The following ANXA6 variants were observed in gnomAD, a reference collection of about 807,000 sequenced individuals.
The protein encoded by ANXA6 is 67 kDa calelectrin.
In ANXA6, 71 loss-of-function variants were observed where a neutral mutation model predicts 95.4. The observed-to-expected ratio is 0.74, with a 90% CI of 0.61 to 0.91. ANXA6 has a LOEUF of 0.91. Among genes scored for constraint, ANXA6 ranks in the 40% least tolerant of loss-of-function variants. The pLI is 0.00. For synonymous variants in ANXA6, 289 were observed against 315.9 expected (o/e 0.91, Z 0.90); for missense variants, 830 against 876.4 (o/e 0.95, Z 0.67).
Position 151,140,152 on chromosome 5 carries a change from C to T in ANXA6, c.109+1G>A. 1 of 1,613,880 alleles carries T rather than the reference C, an allele frequency of 6.2e-7. No individual in the cohort carries two copies. Among genetic ancestry groups the T allele is most frequent in the South Asian group, 1.1e-5 (1 of 91,030 alleles). On this transcript the variant is annotated splice_donor_variant, in intron 3 of 25. Transcript: ENST00000354546. LOFTEE classifies it high-confidence loss of function. ...AAGCTCCCATGAAGCCTGGCACCCACCAAAGCCCTTCATGGCAGTGTACAG... is the reference window on the plus strand; with the variant it reads ...AAGCTCCCATGAAGCCTGGCACCCATCAAAGCCCTTCATGGCAGTGTACAG...
intron 4 of ANXA6, 152 bp downstream of exon 4, chr5:151,139,201 C>A (rs1765754843): frequency 1.6e-6 from 1 of 619,948 alleles, no homozygotes; most frequent in Non-Finnish European, 2.8e-6. Context: ...CTGAAAGACG[C>A]CCAGCTGATG....
In ANXA6 at chr5:151,103,429, A is replaced by T; in HGVS notation, c.1962+141T>A. ...GATTTCGGTATAAACAATGCAATAC[A>T]GACCCCCTTTCATTTCAATATCCTG... On this transcript the variant is annotated intron_variant, in intron 25 of 25. Coordinates refer to ENST00000354546, the MANE Select transcript of ANXA6 (RefSeq NM_001155.5). 4 of 681,780 alleles carry T rather than the reference A, an allele frequency of 5.9e-6. No individual in the cohort carries two copies. In the South Asian group the frequency reaches 1.0e-4, roughly 17 times the overall value. 42.2% of individuals were successfully genotyped at this position (681,780 alleles called of 1,614,324 possible). A position where few individuals can be genotyped will look rare whatever the true frequency, so the allele number is the denominator to read the frequency against.
At chr5:151,110,704 G>T in intron 20 of ANXA6, 60 bp from the exon 21 acceptor site, 1 of 1,599,808 alleles carries the variant, frequency 6.3e-7, no homozygotes, top group South Asian at 1.1e-5. Flanking sequence ...GAGGAGGTTG[G>T]GGAGGCTGGT....
intron 1 of ANXA6, among the ~76,000 whole-genome samples, chr5:151,156,096 C>T (rs1453296145): frequency 6.6e-6 from 1 of 152,256 alleles, no homozygotes; most frequent in African/African-American, 2.4e-5. Flanking sequence ...TTTTCTGTAT[C>T]TCAGCAGATG....
intron 2 of ANXA6, among the ~76,000 whole-genome samples, chr5:151,142,622 T>C (rs901571473): frequency 2.0e-5 from 3 of 152,200 alleles, no homozygotes; most frequent in African/African-American, 7.2e-5. Context: ...AGACAAATCA[T>C]TCTGCCTAAG....
chr5:151,132,467 A>T lies in ANXA6; in HGVS notation c.736+9T>A. On this transcript the variant is annotated intron_variant, in intron 10 of 25. Transcript: ENST00000354546. ...CTAAAGCCCCCAGGAATGCAACGTC[A>T]GGACATACCTACGGCCAGCATTAGC... The T allele has an allele frequency of 6.2e-7, 1 of 1,607,640 alleles. No individual in the cohort carries two copies. The highest frequency in any genetic ancestry group is 8.5e-7 in the Non-Finnish European group (1 of 1,176,866).
chr5:151,144,622 C>A lies in ANXA6; in HGVS notation c.18+3262G>T, dbSNP rs971934032. On this transcript the variant is annotated intron_variant, in intron 2 of 25. Coordinates refer to ENST00000354546, the MANE Select transcript of ANXA6 (RefSeq NM_001155.5). ...TTGCTGCTCCTCCCCCTCCACTGTT[C>A]TCCCCCTCATACAATGTGGGTGGTC... 5.3e-5 allele frequency among the ~76,000 whole-genome samples: 8 copies of A among 152,252 alleles called. No individual in the cohort carries two copies. In the East Asian group the frequency reaches 5.8e-4, roughly 11 times the overall value.
At chr5:151,138,624 T>A in intron 5 of ANXA6, 54 bp downstream of exon 5, 2 of 1,332,434 alleles carry the variant, frequency 1.5e-6, no homozygotes, top group Non-Finnish European at 2.1e-6. Flanking sequence ...GAGCCCAGAA[T>A]CTTCCCATTA....
At chr5:151,105,806 T>C (rs996476463) in intron 23 of ANXA6, among the ~76,000 whole-genome samples, 14 of 152,228 alleles carry the variant, frequency 9.2e-5, no homozygotes, top group South Asian at 2.1e-4. Context: ...ATTCCAGAGA[T>C]GCTGAATCTG....
intron 12 of ANXA6, 199 bp from the exon 13 acceptor site, chr5:151,128,438 T>C: frequency 7.1e-6 from 4 of 564,278 alleles, no homozygotes; most frequent in Non-Finnish European, 1.3e-5. Flanking sequence ...ATTTATAGCA[T>C]TTGCCTATTT....
At chr5:151,137,723 T>C (rs1417375978) in intron 5 of ANXA6, among the ~76,000 whole-genome samples, 1 of 152,190 alleles carries the variant, frequency 6.6e-6, no homozygotes, top group Non-Finnish European at 1.5e-5. Context: ...CCATGTGAGA[T>C]GCCTGCTCCC....
rs1244226812 is a variant in ANXA6, at chr5:151,100,971, A to G, written c.*477T>C. On this transcript the variant is annotated 3_prime_UTR_variant, in exon 26 of 26. Coordinates refer to ENST00000354546, the MANE Select transcript of ANXA6 (RefSeq NM_001155.5). ...CAGTACTCTAGCGCGGCCTGGATGG[A>G]GATGGGTGGTGAAATGGATGGGAAG... 2 of 457,364 alleles carry G rather than the reference A, an allele frequency of 4.4e-6. No homozygotes were observed. The highest frequency in any genetic ancestry group is 1.4e-4 in the East Asian group (2 of 14,440). The allele number at this position is 457,364 out of a possible 1,614,324, so 28.3% of individuals were successfully genotyped here.
At chr5:151,126,710 CTTTTTTA>C (rs146959158) in intron 13 of ANXA6, among the ~76,000 whole-genome samples, 24,236 of 151,866 alleles carry the variant, frequency 0.16, 2,049 homozygotes, top group South Asian at 0.22. Context: ...GCAATGCTGC[CTTTTTTA>C]TTTTTTATTT....
At chr5:151,151,436 G>A (rs1003211425) in intron 1 of ANXA6, 1 of 152,226 alleles carries the variant, frequency 6.6e-6, no homozygotes, top group Non-Finnish European at 1.5e-5. Context: ...GGCCCAGGAA[G>A]CAGCCAACAT....
At chr5:151,107,159 CTT>C (rs1257854519) in intron 23 of ANXA6, among the ~76,000 whole-genome samples, 1 of 152,230 alleles carries the variant, frequency 6.6e-6, no homozygotes, top group Non-Finnish European at 1.5e-5. Context: ...GTGCAACTAA[CTT>C]TGCGCAGGGC....
intron 8 of ANXA6, among the ~76,000 whole-genome samples, 164 bp downstream of exon 8, chr5:151,134,263 T>C (rs1332194107): frequency 6.6e-6 from 1 of 152,222 alleles, no homozygotes; most frequent in Admixed American, 6.5e-5. Flanking sequence ...AGATAACTTA[T>C]ATCTTTTCTT....
At chr5:151,154,240 A>C (rs1766176994) in intron 1 of ANXA6, among the ~76,000 whole-genome samples, 2 of 151,228 alleles carry the variant, frequency 1.3e-5, no homozygotes, top group Admixed American at 6.6e-5. Flanking sequence ...TGAGACAGAC[A>C]AGGCTCCTGG....
intron 18 of ANXA6, among the ~76,000 whole-genome samples, chr5:151,118,343 C>T (rs1480441804): frequency 6.6e-6 from 1 of 151,956 alleles, no homozygotes; most frequent in African/African-American, 2.4e-5. Flanking sequence ...TCACTACAGC[C>T]TCGACCTCCC....
chr5:151,102,617 T>C (rs1463569091), intron 25 of ANXA6, among the ~76,000 whole-genome samples: 1 of 152,064 alleles, frequency 6.6e-6, no homozygotes, highest in African/African-American at 2.4e-5. Context: ...GGCAGGAGAA[T>C]TGCTTAAACC....
Sources: gnomAD v4.1 joint callset for allele counts (sites outside exome capture counted in the v4.1 genomes callset) on GRCh38, gnomAD v4.1.1 for gene constraint, MANE v1.5 for transcripts, NCBI Gene and HGNC (gene_info 2026-07-23, HGNC 2026-07-21) for gene names.